The following PRH1 variants were observed in gnomAD, a reference collection of about 807,000 sequenced individuals.
PRH1 encodes proline rich protein HaeIII subfamily 1, also known as salivary acidic proline-rich phosphoprotein 1/2.
Under a neutral mutation model 7.9 loss-of-function variants are expected in PRH1, and 7 were observed. The ratio of observed to expected loss-of-function variants is 0.89; its 90% CI spans 0.50 to 1.67. PRH1 has a LOEUF of 1.67. Among genes scored for constraint, PRH1 ranks in the 40% most tolerant of loss-of-function variants. PRH1 has a pLI of 0.00. For missense variants in PRH1, 109 were observed against 223.6 expected (o/e 0.49, Z 3.27); for synonymous variants, 45 against 80.8 (o/e 0.56, Z 2.38).
At chr12:11,073,175 A>T (rs1477398539) in intron 1 of PRH1, among the ~76,000 whole-genome samples, 1 of 118,922 alleles carries the variant, frequency 8.4e-6, no homozygotes, top group South Asian at 2.3e-4. Flanking sequence ...TCTGTTGCCC[A>T]GGCTAGAGTG....
chr12:10,906,291 T>A (rs7968736), intron 2 of PRH1, among the ~76,000 whole-genome samples: 74,354 of 151,730 alleles, frequency 0.49, 20,606 homozygotes, highest in East Asian at 0.72. Flanking sequence ...ATTCCAACTG[T>A]TCCATAAAAT....
intron 1 of PRH1, among the ~76,000 whole-genome samples, chr12:11,046,793 CTCTT>C (rs912965809): frequency 3.0e-4 from 46 of 152,038 alleles, no homozygotes; most frequent in African/African-American, 1.1e-3. Flanking sequence ...TCATGTTTCC[CTCTT>C]TCTTTGGCCC....
chr12:11,051,143 G>T (rs538022115), upstream of PRH1, among the ~76,000 whole-genome samples: 1 of 152,346 alleles, frequency 6.6e-6, no homozygotes, highest in Non-Finnish European at 1.5e-5. Context: ...TGGGAAACAT[G>T]TCCACCCCTG....
chr12:11,033,229 T>C (rs1190303882), intron 1 of PRH1, among the ~76,000 whole-genome samples: 1 of 152,128 alleles, frequency 6.6e-6, no homozygotes, highest in Non-Finnish European at 1.5e-5. Flanking sequence ...TAGCAGGGCA[T>C]GGTGGTGTGC....
intron 2 of PRH1, among the ~76,000 whole-genome samples, chr12:10,950,090 T>A (rs2135911708): frequency 6.6e-6 from 1 of 152,276 alleles, no homozygotes; most frequent in Non-Finnish European, 1.5e-5. Flanking sequence ...TCACTCTGGT[T>A]TGCTTTTTAA....
chr12:11,003,859 C>A lies in PRH1; in HGVS notation c.-125-30138G>T, dbSNP rs75151752. 3.8e-3 allele frequency among the ~76,000 whole-genome samples: 579 copies of A among 151,996 alleles called. 7 individuals carry two copies. The highest frequency in any genetic ancestry group is 0.013 in the African/African-American group (550 of 41,508). ...ATTCACTTTCCTTTTCATATATATT[C>A]TTTGTAAACATGTCCCTCTAGTTTG... is the stretch of plus-strand genomic sequence containing the variant. On this transcript the variant is annotated intron_variant, in intron 1 of 3. Transcript: ENST00000539853.
chr12:10,899,314 G>A (rs1490696436), intron 2 of PRH1, among the ~76,000 whole-genome samples: 2 of 152,266 alleles, frequency 1.3e-5, no homozygotes, highest in East Asian at 3.9e-4. Flanking sequence ...CGAGTTTTCA[G>A]GGGACCAAGT....
At chr12:11,128,701 C>A (rs987193084) in intron 1 of PRH1, among the ~76,000 whole-genome samples, 1 of 152,138 alleles carries the variant, frequency 6.6e-6, no homozygotes, top group Non-Finnish European at 1.5e-5. Context: ...GTCGAGATCA[C>A]GCCACTGCAC....
upstream of PRH1, chr12:11,048,449 T>C (rs1364183310): frequency 1.6e-5 from 6 of 367,738 alleles, no homozygotes; most frequent in African/African-American, 8.5e-5. Context: ...AAAAGATACA[T>C]GAATCCAAGA....
intron 1 of PRH1, among the ~76,000 whole-genome samples, chr12:11,113,284 G>A (rs1419285545): frequency 2.0e-5 from 3 of 152,122 alleles, no homozygotes; most frequent in Admixed American, 2.0e-4. Flanking sequence ...GAACAAAGCA[G>A]GAGGCATCAC....
chr12:11,088,590 T>A lies in PRH1; in HGVS notation n.124-41402A>T, dbSNP rs183288535. On this transcript the variant is annotated intron_variant and non_coding_transcript_variant, in intron 1 of 4. Coordinates refer to the PRH1 transcript ENST00000541977. Reference sequence around the variant, plus strand: ...TGTTGCTCTCTCTATAAATTTCCTATCACTACAAAAGAGACCCAGTATTTT... The same window carrying A: ...TGTTGCTCTCTCTATAAATTTCCTAACACTACAAAAGAGACCCAGTATTTT... Among the ~76,000 whole-genome samples the A allele has an allele frequency of 1.5e-3, 169 of 112,316 alleles. 39 individuals carry two copies. Among genetic ancestry groups the A allele is most frequent in the African/African-American group, 4.9e-3 (164 of 33,262 alleles). The allele number at this position is 112,316 out of a possible 152,430, so 73.7% of individuals were successfully genotyped here. A position where few individuals can be genotyped will look rare whatever the true frequency, so the allele number is the denominator to read the frequency against.
chr12:11,021,717 C>A (rs1373162501), intron 1 of PRH1: 1 of 1,614,020 alleles, frequency 6.2e-7, no homozygotes, highest in Admixed American at 1.7e-5. Context: ...TCTGTTTTAG[C>A]TTCCTACTTC....
chr12:10,882,205 C>A lies in PRH1; in HGVS notation c.*18+12G>T, dbSNP rs539062360. 1 of 1,613,036 alleles carries A rather than the reference C, an allele frequency of 6.2e-7. No homozygotes were observed. The highest frequency in any genetic ancestry group is 1.1e-5 in the South Asian group (1 of 90,956). On this transcript the variant is annotated intron_variant, in intron 3 of 3. Coordinates refer to ENST00000543626, the MANE Select transcript of PRH1 (RefSeq NM_001393989.1). The stretch of plus-strand genomic sequence containing the variant: ...GTTGGAGCCTTTGATGGATAATAAA[C>A]TGGAATCGTACCTGTCATTGAATCC...
At chr12:11,062,632 T>C (rs992096272) in intron 1 of PRH1, among the ~76,000 whole-genome samples, 1 of 152,130 alleles carries the variant, frequency 6.6e-6, no homozygotes, top group Non-Finnish European at 1.5e-5. Context: ...AACAAGGACA[T>C]ATTCACTTTC....
chr12:11,115,206 G>A (rs933100823), intron 1 of PRH1, among the ~76,000 whole-genome samples: 2 of 152,046 alleles, frequency 1.3e-5, no homozygotes, highest in African/African-American at 4.8e-5. Flanking sequence ...CAACGGGATG[G>A]AAAAAGATAA....
chr12:11,092,269 T>G, intron 1 of PRH1: 1 of 1,217,704 alleles, frequency 8.2e-7, no homozygotes, highest in Non-Finnish European at 1.2e-6. Context: ...ATGCTGGTGT[T>G]GTGTCCGGAA....
At position 11,085,267 on chromosome 12, in the gene PRH1, C is replaced by T. The variant is rs552906940; in HGVS notation, n.124-38079G>A. ...TTTGAGAAATATGATTTGTTAACAGCATACTGTAAGGCAAATTTCAGCATT... is the reference window on the plus strand; with the variant it reads ...TTTGAGAAATATGATTTGTTAACAGTATACTGTAAGGCAAATTTCAGCATT... On this transcript the variant is annotated intron_variant and non_coding_transcript_variant, in intron 1 of 4. Transcript: ENST00000541977. Among the ~76,000 whole-genome samples, 4 of 151,062 alleles carry T rather than the reference C, an allele frequency of 2.6e-5. No individual in the cohort carries two copies. The South Asian group carries it at 8.3e-4, about 31-fold the overall frequency.
intron 2 of PRH1, among the ~76,000 whole-genome samples, chr12:10,930,113 A>T (rs1222083045): frequency 6.6e-6 from 1 of 152,116 alleles, no homozygotes; most frequent in Non-Finnish European, 1.5e-5. Flanking sequence ...TTTCCCTTAC[A>T]TCTTCTTCCA....
At chr12:11,006,327 A>G (rs1591801272) in intron 1 of PRH1, 1 of 150,358 alleles carries the variant, frequency 6.7e-6, no homozygotes, top group East Asian at 2.0e-4. Context: ...GTTACTAGAT[A>G]TTTAGAAGGT....
Sources: allele counts gnomAD v4.1 joint callset (sites outside exome capture counted in the v4.1 genomes callset), GRCh38; gene constraint gnomAD v4.1.1; transcripts MANE v1.5; gene names NCBI Gene and HGNC (gene_info 2026-07-23, HGNC 2026-07-21).